The following HECW1 variants were observed in gnomAD, a reference collection of about 807,000 sequenced individuals.
HECW1 encodes HECT, C2 and WW domain containing E3 ubiquitin protein ligase 1.
Under a neutral mutation model 182.3 loss-of-function variants are expected in HECW1, and 61 were observed. The observed-to-expected ratio is 0.33, with a 90% confidence interval of 0.27 to 0.41. The LOEUF is 0.41. HECW1 is among the 10% of genes least tolerant of loss of function. The pLI, the probability that HECW1 is intolerant of heterozygous loss-of-function variation, is 1.00. For synonymous variants in HECW1, 859 were observed against 832.6 expected (o/e 1.03, Z -0.55); for missense variants, 1,739 against 2,108.9 (o/e 0.82, Z 3.44).
At chr7:43,335,356 A>C (rs1001940782) in intron 5 of HECW1, among the ~76,000 whole-genome samples, 6 of 152,256 alleles carry the variant, frequency 3.9e-5, no homozygotes, top group South Asian at 2.1e-4. Context: ...GGTTATGGTG[A>C]CCTTACAACC....
intron 6 of HECW1, among the ~76,000 whole-genome samples, chr7:43,383,565 G>T (rs1359866167): frequency 6.6e-6 from 1 of 152,072 alleles, no homozygotes; most frequent in Non-Finnish European, 1.5e-5. Context: ...ATGTTTATTG[G>T]CCACATAAAT....
At chr7:43,468,204 T>C (rs1035770747) in intron 15 of HECW1, among the ~76,000 whole-genome samples, 1 of 151,976 alleles carries the variant, frequency 6.6e-6, no homozygotes. Flanking sequence ...AGTTTTTACA[T>C]AGGGTTCAAA....
chr7:43,188,686 C>T (rs185316361), intron 2 of HECW1, among the ~76,000 whole-genome samples: 4 of 152,270 alleles, frequency 2.6e-5, no homozygotes, highest in African/African-American at 7.2e-5. Context: ...ATTAAATGTA[C>T]TGGCTGGAAA....
intron 2 of HECW1, among the ~76,000 whole-genome samples, chr7:43,215,322 A>G (rs1010616214): frequency 5.3e-5 from 8 of 152,190 alleles, no homozygotes; most frequent in African/African-American, 1.9e-4. Flanking sequence ...CTGTTTTCCA[A>G]TCCTCACAGA....
chr7:43,309,273 G>T (rs2152770414), intron 3 of HECW1, among the ~76,000 whole-genome samples: 1 of 152,310 alleles, frequency 6.6e-6, no homozygotes, highest in African/African-American at 2.4e-5. Flanking sequence ...TAGGAATGGG[G>T]AGGATGTGTG....
intron 2 of HECW1, among the ~76,000 whole-genome samples, chr7:43,240,349 T>C (rs990885864): frequency 6.6e-6 from 1 of 152,144 alleles, no homozygotes; most frequent in African/African-American, 2.4e-5. Flanking sequence ...AATAAAGTAA[T>C]AATAAATAAA....
intron 6 of HECW1, among the ~76,000 whole-genome samples, chr7:43,385,195 TCTCCC>T (rs2074720793): frequency 4.0e-5 from 3 of 75,190 alleles, no homozygotes; most frequent in Admixed American, 1.7e-4. Context: ...CAGTCTCCCC[TCTCCC>T]CTCCCCTCCC....
At chr7:43,455,932 T>C (rs1437775926) in intron 12 of HECW1, among the ~76,000 whole-genome samples, 1 of 151,294 alleles carries the variant, frequency 6.6e-6, no homozygotes, top group Non-Finnish European at 1.5e-5. Context: ...ACCCAGGAGG[T>C]GGAGGTTGCA....
At chr7:43,234,336 T>A (rs979888123) in intron 2 of HECW1, among the ~76,000 whole-genome samples, 2 of 152,170 alleles carry the variant, frequency 1.3e-5, no homozygotes, top group Non-Finnish European at 2.9e-5. Context: ...CACTCAGGGC[T>A]CACCAGTGAC....
At chr7:43,398,918 G>C (rs1309329303) in intron 7 of HECW1, among the ~76,000 whole-genome samples, 1 of 152,334 alleles carries the variant, frequency 6.6e-6, no homozygotes, top group Non-Finnish European at 1.5e-5. Flanking sequence ...GTCAGTTCCT[G>C]GGTGGGGGTC....
intron 6 of HECW1, among the ~76,000 whole-genome samples, chr7:43,371,041 C>T (rs191677991): frequency 3.4e-4 from 52 of 152,140 alleles, no homozygotes; most frequent in African/African-American, 1.2e-3. Context: ...GTGCCCGCCA[C>T]CACGTCTGGC....
At chr7:43,143,001 C>CTATTT (rs904472652) in intron 2 of HECW1, among the ~76,000 whole-genome samples, 7 of 152,228 alleles carry the variant, frequency 4.6e-5, no homozygotes, top group East Asian at 3.9e-4. Flanking sequence ...GGTAGGCTGC[C>CTATTT]TATTTTATTT....
chr7:43,407,873 T>C (rs2152845272), intron 8 of HECW1, 142 bp downstream of exon 8: 7 of 732,936 alleles, frequency 9.6e-6, no homozygotes, highest in South Asian at 2.3e-5. Flanking sequence ...AAGGGAGCCA[T>C]GTTCTCCAGG....
At chr7:43,437,921 A>T in intron 8 of HECW1, 82 bp from the exon 9 acceptor site, 1 of 1,395,620 alleles carries the variant, frequency 7.2e-7, no homozygotes. Context: ...TTTTACAGTG[A>T]CAGCATCAAG....
intron 6 of HECW1, among the ~76,000 whole-genome samples, chr7:43,364,686 T>G (rs1047479402): frequency 6.6e-6 from 1 of 152,246 alleles, no homozygotes; most frequent in African/African-American, 2.4e-5. Flanking sequence ...GGCTCAGGCC[T>G]GGCAGGGAAG....
At chr7:43,540,101 T>A (rs1436556091) in intron 24 of HECW1, among the ~76,000 whole-genome samples, 2 of 152,220 alleles carry the variant, frequency 1.3e-5, no homozygotes, top group South Asian at 4.1e-4. Context: ...CAATTTGAAG[T>A]GTTTTTATAA....
intron 3 of HECW1, among the ~76,000 whole-genome samples, chr7:43,296,134 T>A (rs115499073): frequency 1.2e-4 from 18 of 152,334 alleles, no homozygotes; most frequent in African/African-American, 4.3e-4. Flanking sequence ...ATAAGAGGAA[T>A]TCTTCTACTA....
chr7:43,162,852 CT>C (rs557945898), intron 2 of HECW1: 6 of 152,318 alleles, frequency 3.9e-5, no homozygotes, highest in African/African-American at 1.4e-4. Context: ...TTCTAACTAC[CT>C]TTACAAGCAT....
At chr7:43,375,671 T>C (rs2074292500) in intron 6 of HECW1, among the ~76,000 whole-genome samples, 1 of 151,990 alleles carries the variant, frequency 6.6e-6, no homozygotes, top group Admixed American at 6.6e-5. Context: ...AGTGGGCAGA[T>C]CACTTGAGAC....
Sources: allele counts gnomAD v4.1 joint callset (sites outside exome capture counted in the v4.1 genomes callset), GRCh38; gene constraint gnomAD v4.1.1; transcripts MANE v1.5; gene names NCBI Gene and HGNC (gene_info 2026-07-23, HGNC 2026-07-21).